The following ZBBX variants were observed in gnomAD, a reference collection of about 807,000 sequenced individuals.
The protein encoded by ZBBX is zinc finger B-box domain-containing protein 1.
ZBBX carries 101 observed loss-of-function variants against 108.5 expected under a neutral mutation model. That is an observed-to-expected ratio of 0.93 (90% confidence interval 0.79 to 1.10). The LOEUF is 1.10. Among genes scored for constraint, ZBBX ranks in the 50% least tolerant of loss-of-function variants. ZBBX has a pLI of 0.00. For synonymous variants in ZBBX, 356 were observed against 323.4 expected (o/e 1.10, Z -1.08); for missense variants, 1,009 against 941.4 (o/e 1.07, Z -0.94).
At chr3:167,248,984 G>A (rs1240796891) in intron 20 of ZBBX, among the ~76,000 whole-genome samples, 1 of 152,216 alleles carries the variant, frequency 6.6e-6, no homozygotes, top group Non-Finnish European at 1.5e-5. Context: ...TTTGTTGAAA[G>A]AAGAAAGGGA....
intron 9 of ZBBX, among the ~76,000 whole-genome samples, chr3:167,346,901 A>C (rs1218287813): frequency 2.0e-5 from 3 of 151,954 alleles, no homozygotes; most frequent in Non-Finnish European, 4.4e-5. Flanking sequence ...TAGAAAGAAA[A>C]TGGCAGAGAG....
chr3:167,299,177 T>C (rs1203834144), intron 17 of ZBBX, among the ~76,000 whole-genome samples: 2 of 152,082 alleles, frequency 1.3e-5, no homozygotes, highest in East Asian at 1.9e-4. Context: ...GATGAGGTTA[T>C]AGTATAATCA....
chr3:167,387,996 A>G (rs1258347345), intron 1 of ZBBX, among the ~76,000 whole-genome samples: 1 of 152,040 alleles, frequency 6.6e-6, no homozygotes, highest in East Asian at 1.9e-4. Context: ...CCTTGAACAC[A>G]AGTAACAACC....
At chr3:167,191,920 T>G in the ZBBX span, among the ~76,000 whole-genome samples, 27,725 of 122,170 alleles carry the variant, frequency 0.23, 4,363 homozygotes, top group Non-Finnish European at 0.27. Flanking sequence ...TATATATATA[T>G]ATATATATAT....
intron 9 of ZBBX, among the ~76,000 whole-genome samples, chr3:167,343,967 C>T (rs1021054993): frequency 4.6e-5 from 7 of 151,768 alleles, no homozygotes; most frequent in Non-Finnish European, 7.4e-5. Context: ...GGAAACAACC[C>T]GAATATCCAT....
chr3:167,262,435 T>C (rs906870456), intron 20 of ZBBX, among the ~76,000 whole-genome samples: 4 of 152,208 alleles, frequency 2.6e-5, no homozygotes, highest in African/African-American at 9.6e-5. Flanking sequence ...TTCAATAGGA[T>C]TGGTATAAGT....
intron 18 of ZBBX, among the ~76,000 whole-genome samples, chr3:167,289,351 C>A (rs1226799810): frequency 6.6e-6 from 1 of 152,128 alleles, no homozygotes; most frequent in East Asian, 1.9e-4. Flanking sequence ...GTCTGCAGCT[C>A]CCAGTGATAA....
At chr3:167,227,829 T>C in the ZBBX span, among the ~76,000 whole-genome samples, 2 of 151,754 alleles carry the variant, frequency 1.3e-5, no homozygotes, top group African/African-American at 4.8e-5. Flanking sequence ...ACCCCTGATC[T>C]TATCTTGCTG....
intron 20 of ZBBX, among the ~76,000 whole-genome samples, chr3:167,269,511 C>T (rs1056666760): frequency 7.9e-5 from 12 of 152,232 alleles, no homozygotes; most frequent in Admixed American, 3.3e-4. Context: ...TGTATTCACT[C>T]GTTGTGAAGG....
At chr3:167,214,938 T>C in the ZBBX span, among the ~76,000 whole-genome samples, 2 of 152,194 alleles carry the variant, frequency 1.3e-5, no homozygotes, top group South Asian at 4.1e-4. Flanking sequence ...TTTTCAAAAA[T>C]AATGAGAACA....
At chr3:167,202,311 C>T in the ZBBX span, among the ~76,000 whole-genome samples, 1 of 152,076 alleles carries the variant, frequency 6.6e-6, no homozygotes, top group African/African-American at 2.4e-5. Context: ...CTCTTTGCCT[C>T]ATATTTGTGA....
the ZBBX span, among the ~76,000 whole-genome samples, chr3:167,182,687 G>C: frequency 6.6e-6 from 1 of 152,198 alleles, no homozygotes; most frequent in African/African-American, 2.4e-5. Flanking sequence ...TGCCCACCAA[G>C]TTTTAAATTT....
At chr3:167,181,477 G>A in the ZBBX span, among the ~76,000 whole-genome samples, 4 of 152,256 alleles carry the variant, frequency 2.6e-5, no homozygotes, top group South Asian at 8.3e-4. Flanking sequence ...CCATGCGGAA[G>A]GCCAATGATG....
chr3:167,329,262 T>C (rs1005464016), intron 10 of ZBBX, among the ~76,000 whole-genome samples: 1 of 152,212 alleles, frequency 6.6e-6, no homozygotes, highest in Non-Finnish European at 1.5e-5. Flanking sequence ...AATGGCTGAA[T>C]TATCAAATGT....
intron 9 of ZBBX, among the ~76,000 whole-genome samples, chr3:167,343,044 T>C (rs1054763848): frequency 6.6e-6 from 1 of 151,904 alleles, no homozygotes; most frequent in Admixed American, 6.6e-5. Flanking sequence ...TAATATTACA[T>C]TGTTTTCTGG....
At position 167,342,954 on chromosome 3, in the gene ZBBX, A is replaced by T. The variant is rs768191831; in HGVS notation, c.528+7466T>A. Among the ~76,000 whole-genome samples, 4 of 151,840 alleles carry T rather than the reference A, an allele frequency of 2.6e-5. No homozygotes were observed. The East Asian group carries it at 7.7e-4, about 29-fold the overall frequency. On this transcript the variant is annotated intron_variant, in intron 9 of 21. Coordinates refer to ENST00000675490, the MANE Select transcript of ZBBX (RefSeq NM_001199201.2). ...TGTGCAGTTTTTATCTACCAATTATACCTCAATAGAGCTGTAATAAAAAAG... is the reference window on the plus strand; with the variant it reads ...TGTGCAGTTTTTATCTACCAATTATTCCTCAATAGAGCTGTAATAAAAAAG...
chr3:167,186,571 C>A, the ZBBX span, among the ~76,000 whole-genome samples: 1 of 152,164 alleles, frequency 6.6e-6, no homozygotes, highest in African/African-American at 2.4e-5. Context: ...CTTGGTTTTA[C>A]TCCCAAGGTA....
chr3:167,227,346 C>T, the ZBBX span, among the ~76,000 whole-genome samples: 3 of 151,574 alleles, frequency 2.0e-5, no homozygotes, highest in African/African-American at 7.3e-5. Flanking sequence ...TACAAATTTA[C>T]CTAATTCTGA....
intron 1 of ZBBX, among the ~76,000 whole-genome samples, chr3:167,392,582 G>A (rs903616780): frequency 5.3e-5 from 8 of 151,758 alleles, no homozygotes; most frequent in Non-Finnish European, 2.9e-5. Flanking sequence ...TCTGAAAGTT[G>A]CATGATGGCT....
Sources: allele counts gnomAD v4.1 joint callset (sites outside exome capture counted in the v4.1 genomes callset), GRCh38; gene constraint gnomAD v4.1.1; transcripts MANE v1.5; gene names NCBI Gene and HGNC (gene_info 2026-07-23, HGNC 2026-07-21).